Variants in ZNF676 observed in about 807,000 individuals in gnomAD.
The protein encoded by ZNF676 is zinc finger protein 676.
Under a neutral mutation model 6.0 loss-of-function variants are expected in ZNF676, and 4 were observed. That is an observed-to-expected ratio of 0.67 (90% CI 0.33 to 1.53). The LOEUF (loss-of-function observed/expected upper bound fraction) is 1.53, where lower values mean the gene tolerates loss of function less well. Ranked by LOEUF, ZNF676 falls within the 40% of genes most tolerant of loss-of-function variation. ZNF676 has a pLI of 0.06. For missense variants in ZNF676, 644 were observed against 679.7 expected, an observed-to-expected ratio of 0.95 and a Z score of 0.58; for synonymous variants, 198 against 223.1, an observed-to-expected ratio of 0.89 and a Z score of 1.00.
intron 1 of ZNF676, among the ~76,000 whole-genome samples, chr19:22,212,325 T>G (rs1020599591): frequency 3.3e-5 from 5 of 152,220 alleles, no homozygotes; most frequent in Non-Finnish European, 7.3e-5. Context: ...AGATATTATT[T>G]TTTGATACTC....
chr19:22,215,391 A>C (rs1174205315), intron 1 of ZNF676, among the ~76,000 whole-genome samples: 6 of 152,168 alleles, frequency 3.9e-5, no homozygotes, highest in African/African-American at 1.4e-4. Context: ...CTCCGCGCTG[A>C]GGGTGCAGAG....
At chr19:22,239,319 G>A in the ZNF676 span, among the ~76,000 whole-genome samples, 12 of 151,300 alleles carry the variant, frequency 7.9e-5, no homozygotes, top group Non-Finnish European at 1.8e-4. Flanking sequence ...AGGACTACAG[G>A]CACCCGCCAC....
At chr19:22,245,680 C>T in the ZNF676 span, among the ~76,000 whole-genome samples, 1 of 152,130 alleles carries the variant, frequency 6.6e-6, no homozygotes, top group African/African-American at 2.4e-5. Context: ...TTCAAGAGGG[C>T]TCAGGGAAAT....
the ZNF676 span, among the ~76,000 whole-genome samples, chr19:22,233,394 G>A: frequency 6.6e-6 from 1 of 151,904 alleles, no homozygotes; most frequent in Non-Finnish European, 1.5e-5. Context: ...TGTATACATT[G>A]TAATCTTTGA....
the ZNF676 span, among the ~76,000 whole-genome samples, chr19:22,229,433 T>C: frequency 6.6e-6 from 1 of 152,182 alleles, no homozygotes; most frequent in Admixed American, 6.5e-5. Context: ...ATTCAGGACA[T>C]AGGCATGGGC....
chr19:22,200,606 C>G (rs1235718163), upstream of ZNF676, among the ~76,000 whole-genome samples: 5 of 142,160 alleles, frequency 3.5e-5, no homozygotes, highest in East Asian at 1.1e-3. Context: ...GTAGTCTCCA[C>G]CTAACAGGTT....
chr19:22,185,056 C>T (rs2023816848), intron 2 of ZNF676, among the ~76,000 whole-genome samples: 1 of 152,090 alleles, frequency 6.6e-6, no homozygotes. Context: ...TCCCTGACAT[C>T]CGTGTCTCCT....
At chr19:22,233,531 A>C in the ZNF676 span, among the ~76,000 whole-genome samples, 2 of 152,128 alleles carry the variant, frequency 1.3e-5, no homozygotes, top group African/African-American at 4.8e-5. Flanking sequence ...TGTTCTTAGG[A>C]TGTGTCTTGT....
chr19:22,215,372 T>A (rs886348438), intron 1 of ZNF676, among the ~76,000 whole-genome samples: 1 of 152,150 alleles, frequency 6.6e-6, no homozygotes, highest in African/African-American at 2.4e-5. Flanking sequence ...GTGCACAATC[T>A]GGGAGAGACT....
chr19:22,239,423 G>A, the ZNF676 span, among the ~76,000 whole-genome samples: 19 of 151,898 alleles, frequency 1.3e-4, no homozygotes, highest in East Asian at 1.4e-3. Flanking sequence ...CTCATGATCC[G>A]CCCACCTCGG....
chr19:22,251,357 C>T, the ZNF676 span, among the ~76,000 whole-genome samples: 1 of 152,162 alleles, frequency 6.6e-6, no homozygotes, highest in African/African-American at 2.4e-5. Flanking sequence ...CTATGGTACA[C>T]CTGTTGTTAC....
At chr19:22,240,714 G>A in the ZNF676 span, among the ~76,000 whole-genome samples, 1 of 151,900 alleles carries the variant, frequency 6.6e-6, no homozygotes, top group Admixed American at 6.6e-5. Flanking sequence ...AATTACTTGA[G>A]CCCAGGAGCG....
At chr19:22,209,805 A>T (rs2024112290) in intron 1 of ZNF676, among the ~76,000 whole-genome samples, 1 of 152,168 alleles carries the variant, frequency 6.6e-6, no homozygotes, top group African/African-American at 2.4e-5. Flanking sequence ...GCTGGTGGAG[A>T]AAACAGGATG....
At chr19:22,249,867 G>C in the ZNF676 span, among the ~76,000 whole-genome samples, 14 of 151,778 alleles carry the variant, frequency 9.2e-5, no homozygotes, top group African/African-American at 3.4e-4. Context: ...AGATTGGATA[G>C]ACTTGTATAT....
At chr19:22,183,861 A>G (rs763048531) in intron 2 of ZNF676, among the ~76,000 whole-genome samples, 8 of 152,206 alleles carry the variant, frequency 5.3e-5, no homozygotes, top group Non-Finnish European at 1.2e-4. Flanking sequence ...CTCCAAAGAG[A>G]CAAAGAAAGA....
At chr19:22,226,770 T>C in the ZNF676 span, among the ~76,000 whole-genome samples, 1 of 152,096 alleles carries the variant, frequency 6.6e-6, no homozygotes, top group Non-Finnish European at 1.5e-5. Flanking sequence ...CTCATTTTTT[T>C]GTATTTTTAG....
At chr19:22,242,195 G>A in the ZNF676 span, among the ~76,000 whole-genome samples, 89,480 of 151,714 alleles carry the variant, frequency 0.59, 27,466 homozygotes, top group South Asian at 0.85. Context: ...AATCCCATTT[G>A]TCAGTAGAGA....
intron 2 of ZNF676, among the ~76,000 whole-genome samples, chr19:22,189,956 A>G (rs2023881964): frequency 6.6e-6 from 1 of 152,168 alleles, no homozygotes; most frequent in Non-Finnish European, 1.5e-5. Flanking sequence ...TGTGGAAGAC[A>G]ATGTGGCGAT....
chr19:22,181,504 A>T lies in ZNF676; in HGVS notation c.213T>A (p.Tyr71Ter), dbSNP rs749439505. The change falls in exon 3 of 3, where the codon TAT becomes TAA. Residue 71 changes from tyrosine to a stop codon, truncating the protein, a stop_gained. Transcript: ENST00000397121. LOFTEE classifies it low-confidence loss of function (END_TRUNC). Reference protein sequence around the residue: ...DSFQKMILRRYDKCGHENLHL... With the variant: ...DSFQKMILRR ...GTAAATTCTCATGTCCACATTTGTC[A>T]TATCTTCTCAATATCATTTTTTGGA... 7.4e-6 allele frequency: 12 copies of T among 1,613,118 alleles called. No homozygotes were observed. In the East Asian group the frequency reaches 2.5e-4, roughly 33 times the overall value.
Sources: allele counts gnomAD v4.1 joint callset (sites outside exome capture counted in the v4.1 genomes callset), GRCh38; gene constraint gnomAD v4.1.1; transcripts MANE v1.5; gene names NCBI Gene and HGNC (gene_info 2026-07-23, HGNC 2026-07-21).